The following RASA1 variants were observed in gnomAD, a reference collection of about 807,000 sequenced individuals.
RASA1 encodes RAS p21 protein activator 1.
Under a neutral mutation model 132.2 loss-of-function variants are expected in RASA1, and 25 were observed. The observed-to-expected ratio is 0.19, with a 90% CI of 0.14 to 0.26. RASA1 has a LOEUF of 0.26. Ranked by LOEUF, RASA1 falls within the 10% of genes least tolerant of loss-of-function variation. The pLI is 1.00. For synonymous variants in RASA1, 477 were observed against 449.9 expected (o/e 1.06, Z -0.76); for missense variants, 964 against 1,299.2 (o/e 0.74, Z 3.97).
intron 1 of RASA1, among the ~76,000 whole-genome samples, chr5:87,318,177 C>A (rs940570669): frequency 1.3e-5 from 2 of 152,076 alleles, no homozygotes; most frequent in African/African-American, 4.8e-5. Context: ...TCTATTATAA[C>A]CCCCACAAAT....
chr5:87,287,785 C>T (rs1039469896), intron 1 of RASA1, among the ~76,000 whole-genome samples: 2 of 87,202 alleles, frequency 2.3e-5, no homozygotes, highest in African/African-American at 4.0e-5. Context: ...CATATATGTA[C>T]ACGCCATATA....
At chr5:87,301,812 C>G (rs1260101095) in intron 1 of RASA1, among the ~76,000 whole-genome samples, 1 of 152,044 alleles carries the variant, frequency 6.6e-6, no homozygotes, top group African/African-American at 2.4e-5. Flanking sequence ...CCTTTACTAT[C>G]TATTCTTTTG....
intron 1 of RASA1, among the ~76,000 whole-genome samples, chr5:87,323,188 G>T (rs1277495325): frequency 6.6e-6 from 1 of 152,156 alleles, no homozygotes; most frequent in Non-Finnish European, 1.5e-5. Flanking sequence ...GTTTTAGGAT[G>T]ACTTTTGAGT....
intron 9 of RASA1, among the ~76,000 whole-genome samples, chr5:87,359,884 C>G (rs749797000): frequency 1.7e-4 from 26 of 152,220 alleles, no homozygotes; most frequent in African/African-American, 3.6e-4. Context: ...GTTTACGTAC[C>G]TGAAATGGAC....
intron 1 of RASA1, among the ~76,000 whole-genome samples, chr5:87,296,244 T>G (rs1164772326): frequency 1.3e-5 from 2 of 152,184 alleles, no homozygotes; most frequent in African/African-American, 4.8e-5. Context: ...TACTTTATAA[T>G]AACAAAATAT....
chr5:87,305,652 A>C (rs1755572758), intron 1 of RASA1, among the ~76,000 whole-genome samples: 1 of 152,236 alleles, frequency 6.6e-6, no homozygotes, highest in East Asian at 1.9e-4. Context: ...AGTTAAATGA[A>C]AGAGCTTCTG....
intron 1 of RASA1, among the ~76,000 whole-genome samples, chr5:87,286,335 T>C (rs546301341): frequency 6.6e-6 from 1 of 152,234 alleles, no homozygotes; most frequent in Admixed American, 6.5e-5. Flanking sequence ...TCTTCTCCTA[T>C]TAGAGTGGTC....
intron 23 of RASA1, 124 bp downstream of exon 23, chr5:87,387,027 A>C (rs1176430688): frequency 2.3e-6 from 2 of 876,958 alleles, no homozygotes; most frequent in East Asian, 5.3e-5. Context: ...AAAGCCTGCA[A>C]ATTTTTGTCT....
chr5:87,293,868 T>C (rs1755008164), intron 1 of RASA1, among the ~76,000 whole-genome samples: 1 of 152,142 alleles, frequency 6.6e-6, no homozygotes, highest in South Asian at 2.1e-4. Context: ...TTATTTACAA[T>C]ATTAGTTTAT....
At chr5:87,389,825 GATTTT>G (rs1446184126) in intron 24 of RASA1, among the ~76,000 whole-genome samples, 2 of 152,100 alleles carry the variant, frequency 1.3e-5, no homozygotes, top group African/African-American at 4.8e-5. Flanking sequence ...AGTCAATATT[GATTTT>G]ATTTTTTTTT....
intron 12 of RASA1, among the ~76,000 whole-genome samples, chr5:87,370,995 G>A (rs1393196168): frequency 6.6e-6 from 1 of 152,086 alleles, no homozygotes; most frequent in Non-Finnish European, 1.5e-5. Context: ...ATTTTTAGAT[G>A]AGAAAGGTAG....
intron 1 of RASA1, among the ~76,000 whole-genome samples, chr5:87,274,946 G>A (rs1393672631): frequency 6.6e-6 from 1 of 152,180 alleles, no homozygotes; most frequent in East Asian, 1.9e-4. Context: ...GAAGTTGACG[G>A]TGATGTCTGT....
In RASA1 at chr5:87,268,677, T is replaced by A. The variant is rs1753678869; in HGVS notation, c.226T>A (p.Ser76Thr). The A allele has an allele frequency of 6.2e-7, 1 of 1,611,288 alleles. No individual in the cohort carries two copies. The highest frequency in any genetic ancestry group is 8.5e-7 in the Non-Finnish European group (1 of 1,178,992). ...GGGGTCAGAGTTCCTAGGAGCCGGG[T>A]CTGTGGCAGGGGCACTGGGGGGAGC... ...ALGSEFLGAGSVAGALGGAGL... is the reference protein window; with the variant it reads ...ALGSEFLGAGTVAGALGGAGL... The change falls in exon 1 of 25, where the codon TCT becomes ACT. Residue 76 changes from serine (S) to threonine (T), a missense_variant. By Grantham distance (58) the Ser-to-Thr change is moderately conservative. Transcript: ENST00000274376.
At chr5:87,362,985 CA>C (rs770260922) in intron 10 of RASA1, among the ~76,000 whole-genome samples, 9 of 151,084 alleles carry the variant, frequency 6.0e-5, no homozygotes, top group Admixed American at 1.3e-4. Flanking sequence ...CTCAATTTGA[CA>C]TAACGACATT....
intron 1 of RASA1, among the ~76,000 whole-genome samples, chr5:87,279,690 C>T (rs570075596): frequency 6.6e-6 from 1 of 152,180 alleles, no homozygotes; most frequent in East Asian, 1.9e-4. Context: ...TTATTTTAGC[C>T]TTTCTGTTTT....
chr5:87,291,102 C>A (rs1754892946), intron 1 of RASA1, among the ~76,000 whole-genome samples: 2 of 152,186 alleles, frequency 1.3e-5, no homozygotes, highest in South Asian at 4.1e-4. Context: ...GCTCTACATT[C>A]TTGTCAGCAT....
At chr5:87,285,715 T>C (rs1754528120) in intron 1 of RASA1, among the ~76,000 whole-genome samples, 1 of 148,640 alleles carries the variant, frequency 6.7e-6, no homozygotes, top group African/African-American at 2.5e-5. Flanking sequence ...ACCTCCCAGG[T>C]TCAAGCGATT....
chr5:87,271,880 G>A (rs993146659), intron 1 of RASA1, among the ~76,000 whole-genome samples: 3 of 151,982 alleles, frequency 2.0e-5, no homozygotes, highest in African/African-American at 7.3e-5. Flanking sequence ...TGGGCTGGGG[G>A]TGGTGCTTCA....
At chr5:87,389,364 C>A (rs1378441841) in intron 23 of RASA1, 29 bp from the exon 24 acceptor site, 1 of 1,613,072 alleles carries the variant, frequency 6.2e-7, no homozygotes, top group African/African-American at 1.3e-5. Context: ...ATTTGTATTT[C>A]TAAATGCAAT....
Sources: gnomAD v4.1 joint callset for allele counts (sites outside exome capture counted in the v4.1 genomes callset) on GRCh38, gnomAD v4.1.1 for gene constraint, MANE v1.5 for transcripts, NCBI Gene and HGNC (gene_info 2026-07-23, HGNC 2026-07-21) for gene names.